NPC1: variants seen among roughly 807,000 people sequenced by gnomAD.
NPC1 encodes NPC intracellular cholesterol transporter 1.
In NPC1, 85 loss-of-function variants were observed where a neutral mutation model predicts 140.4. The ratio of observed to expected loss-of-function variants is 0.61; its 90% CI spans 0.51 to 0.72. The LOEUF (loss-of-function observed/expected upper bound fraction) is 0.72. NPC1 is among the 30% of genes least tolerant of loss of function. The probability of loss-of-function intolerance (pLI) is 0.00; values close to 1 mark genes in which losing one functional copy is unlikely to be tolerated. For missense variants in NPC1, 1,504 were observed against 1,623.8 expected (o/e 0.93, Z 1.27); for synonymous variants, 656 against 624.8 (o/e 1.05, Z -0.74).
intron 9 of NPC1, among the ~76,000 whole-genome samples, chr18:23,552,806 C>A (rs964603296): frequency 6.6e-6 from 1 of 152,148 alleles, no homozygotes; most frequent in Admixed American, 6.5e-5. Flanking sequence ...TCCCTTCATC[C>A]ACAGCAGAAA....
chr18:23,571,901 AATAT>A (rs905088150), intron 3 of NPC1, among the ~76,000 whole-genome samples, 169 bp downstream of exon 3: 9 of 151,022 alleles, frequency 6.0e-5, no homozygotes, highest in African/African-American at 1.9e-4. Context: ...TTAATACATA[AATAT>A]ATATTCACCT....
chr18:23,524,453 A>T (rs200566715), downstream of NPC1: 76 of 1,614,090 alleles, frequency 4.7e-5, no homozygotes, highest in Non-Finnish European at 6.3e-5. Context: ...ATTGTCTTTC[A>T]ACCTGACATC....
intron 24 of NPC1, chr18:23,533,042 T>TGC: frequency 1.4e-6 from 1 of 713,476 alleles, no homozygotes; most frequent in Non-Finnish European, 1.7e-6. Flanking sequence ...CTCCTTCATC[T>TGC]CAGTGGCAGG....
chr18:23,520,362 C>A, downstream of NPC1: 1 of 1,426,588 alleles, frequency 7.0e-7, no homozygotes, highest in Admixed American at 1.8e-5. Flanking sequence ...CACCATGTGG[C>A]TGTGTTCTCA....
chr18:23,532,409 C>T, intron 24 of NPC1, 125 bp from the exon 25 acceptor site: 1 of 1,010,168 alleles, frequency 9.9e-7, no homozygotes, highest in South Asian at 1.3e-5. Context: ...TGAGACCAGC[C>T]TGGACAACAG....
downstream of NPC1, among the ~76,000 whole-genome samples, chr18:23,530,786 CAG>C (rs1182163024): frequency 1.3e-5 from 2 of 152,144 alleles, no homozygotes; most frequent in African/African-American, 4.8e-5. Flanking sequence ...AGTATACTGA[CAG>C]AATCTGAATT....
rs2058763448 is a variant in NPC1, at chr18:23,544,943, A to AACCCCCCCCCCCC, written c.1947+16_1947+17insGGGGGGGGGGGGT. The AACCCCCCCCCCCC allele has an allele frequency of 6.8e-5, 71 of 1,042,164 alleles. No homozygotes were observed. Among genetic ancestry groups the AACCCCCCCCCCCC allele is most frequent in the South Asian group, 2.3e-4 (17 of 74,758 alleles). 64.6% of individuals were successfully genotyped at this position (1,042,164 alleles called of 1,614,324 possible). On this transcript the variant is annotated intron_variant, in intron 12 of 24. Transcript: ENST00000269228. Reference sequence around the variant, plus strand: ...GCTGTTAACCTCTAGAACATACACCACCCCCCCCCGGCTTACCAGAAGCCT... The same window carrying AACCCCCCCCCCCC: ...GCTGTTAACCTCTAGAACATACACCAACCCCCCCCCCCCCCCCCCCCCGGCTTACCAGAAGCCT...
intron 3 of NPC1, among the ~76,000 whole-genome samples, chr18:23,513,254 G>A (rs772440190): frequency 7.2e-5 from 11 of 152,096 alleles, no homozygotes; most frequent in African/African-American, 2.4e-4. Flanking sequence ...GTGTCCGGCC[G>A]AATTTGATTA....
intron 8 of NPC1, among the ~76,000 whole-genome samples, chr18:23,555,286 T>C (rs2058933864): frequency 6.6e-6 from 1 of 152,256 alleles, no homozygotes. Flanking sequence ...TCTCCAGTGG[T>C]GGCCAGCAGG....
At chr18:23,523,591 C>T (rs1044690869) in intron 1 of NPC1, among the ~76,000 whole-genome samples, 2 of 143,390 alleles carry the variant, frequency 1.4e-5, no homozygotes, top group Non-Finnish European at 3.0e-5. Context: ...AGGGCATGGT[C>T]ACATGCCTGT....
At chr18:23,518,704 G>A (rs1312027484), downstream of NPC1, among the ~76,000 whole-genome samples, 5 of 152,184 alleles carry the variant, frequency 3.3e-5, no homozygotes, top group South Asian at 4.1e-4. Context: ...TGTTTAGTGT[G>A]TGTTCTCTTT....
At position 23,539,885 on chromosome 18, in the gene NPC1, C is replaced by G; in HGVS notation, c.2721G>C (p.Met907Ile). 1 of 1,614,226 alleles carries G rather than the reference C, an allele frequency of 6.2e-7. No individual in the cohort carries two copies. Among genetic ancestry groups the G allele is most frequent in the Non-Finnish European group, 8.5e-7 (1 of 1,180,044 alleles). ...TGTTGCAGCCCATGCCGCCGCACAC[C>G]ATGTTCTGCCCCTTGGAAGAAGTGT... ...HDYTSSKGQNMVCGGMGCNND... is the reference protein window; with the variant it reads ...HDYTSSKGQNIVCGGMGCNND... The change falls in exon 18 of 25, where the codon ATG becomes ATC. Residue 907 changes from methionine (M) to isoleucine (I), a missense_variant. Transcript: ENST00000269228.
At position 23,549,968 on chromosome 18, in the gene NPC1, CTTTA is replaced by C. The variant is rs533684288; in HGVS notation, c.1654+1655_1654+1658del. Among the ~76,000 whole-genome samples the C allele has an allele frequency of 5.1e-3, 760 of 150,198 alleles. 9 individuals are homozygous for C. The highest frequency in any genetic ancestry group is 0.017 in the African/African-American group (714 of 40,984). On this transcript the variant is annotated intron_variant, in intron 10 of 24. Coordinates refer to ENST00000269228, the MANE Select transcript of NPC1 (RefSeq NM_000271.5). ...CATTTTGGCCAGGCTGAGATGAGAT[CTTTA>C]TTTATTAAGAAAATGCTGACTGCCA...
rs564594143 is a variant in NPC1 at position 23,545,873 on chromosome 18, G to T, written c.1758-724C>A. On this transcript the variant is annotated intron_variant, in intron 11 of 24. Coordinates refer to ENST00000269228, the MANE Select transcript of NPC1 (RefSeq NM_000271.5). ...ACATCCCTAAGTGCTGGGATGACAG[G>T]CACCATGCCCAGCCACTGCATTAGG... Among the ~76,000 whole-genome samples the T allele has an allele frequency of 3.9e-5, 6 of 152,306 alleles. No homozygotes were observed. The South Asian group carries it at 1.2e-3, about 32-fold the overall frequency.
intron 14 of NPC1, among the ~76,000 whole-genome samples, chr18:23,543,209 A>T (rs1225564342): frequency 6.6e-6 from 1 of 151,924 alleles, no homozygotes; most frequent in Admixed American, 6.6e-5. Context: ...CGTGCCTTTA[A>T]TCCCAGCTAT....
intron 1 of NPC1, among the ~76,000 whole-genome samples, chr18:23,583,106 CAAAAAAAA>C (rs3083464): frequency 5.5e-5 from 6 of 110,010 alleles, no homozygotes; most frequent in Non-Finnish European, 8.7e-5. Context: ...GACCCTGTTT[CAAAAAAAA>C]AAAAAAAAAA....
In NPC1 at chr18:23,545,093, G is replaced by C; in HGVS notation, c.1814C>G (p.Ala605Gly). Reference protein sequence around the residue: ...KNPNLTISFTAERSIEDELNR... With the variant: ...KNPNLTISFTGERSIEDELNR... ...TAGTTCATCTTCAATACTTCGTTCA[G>C]CAGTGAAGGAAATGGTCAGATTGGG... Residue 605 changes from alanine (A) to glycine (G), a missense_variant, in exon 12 of 25, where the codon GCT (alanine) becomes GGT (glycine). Physicochemically the swap from Ala to Gly is moderately conservative, Grantham distance 60. Transcript: ENST00000269228. The C allele has an allele frequency of 1.2e-6, 2 of 1,612,972 alleles. No homozygotes were observed. Among genetic ancestry groups the C allele is most frequent in the Non-Finnish European group, 8.5e-7 (1 of 1,178,946 alleles).
chr18:23,568,545 C>G (rs1002799068), intron 4 of NPC1, among the ~76,000 whole-genome samples: 2 of 152,118 alleles, frequency 1.3e-5, no homozygotes, highest in Admixed American at 1.3e-4. Context: ...AGTCAAAGAT[C>G]CAATGGTTAC....
In NPC1 at chr18:23,558,977, G is replaced by GT. The variant is rs546153132; in HGVS notation, c.881+1253dup. On this transcript the variant is annotated intron_variant, in intron 6 of 24. Transcript: ENST00000269228. ...TATGAGTGAGAACATGCGGTGTTTG[G>GT]TTTTTTGTCCTTGCGATATTTTGCT... 2.1e-3 allele frequency among the ~76,000 whole-genome samples: 312 copies of GT among 152,162 alleles called. 1 individual carries two copies. The highest frequency in any genetic ancestry group is 7.3e-3 in the African/African-American group (302 of 41,486).
Sources: allele counts gnomAD v4.1 joint callset (sites outside exome capture counted in the v4.1 genomes callset), GRCh38; gene constraint gnomAD v4.1.1; transcripts MANE v1.5; gene names NCBI Gene and HGNC (gene_info 2026-07-23, HGNC 2026-07-21).